The following PARD6G variants were observed in gnomAD, a reference collection of about 807,000 sequenced individuals.
PARD6G encodes partitioning defective 6 homolog gamma.
A neutral mutation model predicts 10.7 loss-of-function variants in PARD6G; 7 were observed. That is an observed-to-expected ratio of 0.66 (90% CI 0.37 to 1.23). The LOEUF is 1.23. Ranked by LOEUF, PARD6G falls within the 50% of genes most tolerant of loss-of-function variation. PARD6G has a pLI of 0.02. For missense variants in PARD6G, 548 were observed against 571.8 expected (o/e 0.96, Z 0.42); for synonymous variants, 287 against 269.4 (o/e 1.07, Z -0.64).
At chr18:80,179,024 G>T (rs1043786711) in intron 2 of PARD6G, among the ~76,000 whole-genome samples, 1 of 152,094 alleles carries the variant, frequency 6.6e-6, no homozygotes, top group Non-Finnish European at 1.5e-5. Flanking sequence ...ACCACTGACA[G>T]TTTCCCATTT....
In PARD6G at chr18:80,159,920, C is replaced by T; in HGVS notation, c.982G>A (p.Gly328Ser). 3 of 1,510,716 alleles carry T rather than the reference C, an allele frequency of 2.0e-6. No homozygotes were observed. The highest frequency in any genetic ancestry group is 2.6e-6 in the Non-Finnish European group (3 of 1,137,022). The allele number at this position is 1,510,716 out of a possible 1,614,324, so 93.6% of individuals were successfully genotyped here. A position where few individuals can be genotyped will look rare whatever the true frequency, so the allele number is the denominator to read the frequency against. Residue 328 changes from glycine (G) to serine (S), a missense_variant, in exon 3 of 3, where the codon GGC (glycine) becomes AGC (serine). By Grantham distance (56) the Gly-to-Ser change is moderately conservative. Transcript: ENST00000353265. ...TGCAGCCGCTGCGCCAGGCCCGCGC[C>T]ATTGACCCGGGAGAGGCTGCCTGCG... Reference protein sequence around the residue: ...APAGSLSRVNGAGLAQRLQRD... With the variant: ...APAGSLSRVNSAGLAQRLQRD...
intron 1 of PARD6G, among the ~76,000 whole-genome samples, chr18:80,212,152 C>A (rs1044275504): frequency 6.6e-6 from 1 of 152,162 alleles, no homozygotes; most frequent in African/African-American, 2.4e-5. Flanking sequence ...TTTCCTCCCA[C>A]GTCCCAAAGA....
chr18:80,196,325 G>T (rs934309833), intron 2 of PARD6G, among the ~76,000 whole-genome samples: 11 of 152,184 alleles, frequency 7.2e-5, no homozygotes, highest in African/African-American at 2.7e-4. Context: ...AAATGCAAAA[G>T]TCATTGCCTC....
chr18:80,231,590 T>G lies in PARD6G; in HGVS notation c.72+15687A>C, dbSNP rs1967357974. ...TACTGGCTGTGTAACTCTGGATAAT[T>G]TATTCAACTTCTCTGATCCTGTTCC... On this transcript the variant is annotated intron_variant, in intron 1 of 2. Coordinates refer to ENST00000353265, the MANE Select transcript of PARD6G (RefSeq NM_032510.4). This position sits in a 1 kb window ranked among gnomAD's most constrained non-coding sequence, Gnocchi z 4.2. Among the ~76,000 whole-genome samples, 1 of 152,148 alleles carries G rather than the reference T, an allele frequency of 6.6e-6. No homozygotes were observed. The highest frequency in any genetic ancestry group is 2.1e-4 in the South Asian group (1 of 4,824).
rs1336679281 is a variant in PARD6G at position 80,180,333 on chromosome 18, G to A, written c.296-19727C>T. Among the ~76,000 whole-genome samples, 1 of 152,208 alleles carries A rather than the reference G, an allele frequency of 6.6e-6. No homozygotes were observed. Among genetic ancestry groups the A allele is most frequent in the Non-Finnish European group, 1.5e-5 (1 of 68,018 alleles). Reference sequence around the variant, plus strand: ...CAGGGCGTGGGCAGCGACAGCTGGGGCCGGCAGGTGAGGACACGCAGCTGG... The same window carrying A: ...CAGGGCGTGGGCAGCGACAGCTGGGACCGGCAGGTGAGGACACGCAGCTGG... On this transcript the variant is annotated intron_variant, in intron 2 of 2. Coordinates refer to ENST00000353265, the MANE Select transcript of PARD6G (RefSeq NM_032510.4). The surrounding 1 kb of genome is among the most constrained non-coding windows in gnomAD (Gnocchi z 5.6).
chr18:80,174,900 G>C (rs543757322), intron 2 of PARD6G, among the ~76,000 whole-genome samples: 3 of 152,136 alleles, frequency 2.0e-5, no homozygotes, highest in East Asian at 1.9e-4. Flanking sequence ...AGTGAGCCGA[G>C]ATTGTACCAC....
chr18:80,176,016 G>T (rs1333819376), intron 2 of PARD6G: 1 of 167,326 alleles, frequency 6.0e-6, no homozygotes, highest in Non-Finnish European at 1.5e-5. Context: ...TTCCAAAAGG[G>T]AGAAGAGGCT....
Position 80,189,694 on chromosome 18 carries a change from T to C in PARD6G, c.295+13016A>G, listed in dbSNP as rs1261526155. Among the ~76,000 whole-genome samples, 4 of 152,146 alleles carry C rather than the reference T, an allele frequency of 2.6e-5. No individual in the cohort carries two copies. The highest frequency in any genetic ancestry group is 5.9e-5 in the Non-Finnish European group (4 of 68,010). Reference sequence around the variant, plus strand: ...CAAAAACAGCTTCAAGCACGTCCCCTGGGAGTCCCCCGTCCGTCGTTGAGG... The same window carrying C: ...CAAAAACAGCTTCAAGCACGTCCCCCGGGAGTCCCCCGTCCGTCGTTGAGG... On this transcript the variant is annotated intron_variant, in intron 2 of 2. Transcript: ENST00000353265. The surrounding 1 kb of genome is among the most constrained non-coding windows in gnomAD (Gnocchi z 5.5).
intron 1 of PARD6G, among the ~76,000 whole-genome samples, chr18:80,236,463 A>G (rs927777703): frequency 1.3e-5 from 2 of 152,172 alleles, no homozygotes; most frequent in Non-Finnish European, 2.9e-5. Flanking sequence ...GCCCTCCCTC[A>G]CCACTCCTAT....
chr18:80,161,120 C>T lies in PARD6G; in HGVS notation c.296-514G>A, dbSNP rs2052698267. On this transcript the variant is annotated intron_variant, in intron 2 of 2. Coordinates refer to ENST00000353265, the MANE Select transcript of PARD6G (RefSeq NM_032510.4). This position sits in a 1 kb window ranked among gnomAD's most constrained non-coding sequence, Gnocchi z 4.6. ...GTGTCTTCTAGCCAGCATTCAAGGC[C>T]CCTGAATGTGTCACTCAGTCGGGCG... 1.3e-5 allele frequency among the ~76,000 whole-genome samples: 2 copies of T among 152,178 alleles called. No homozygotes were observed. The highest frequency in any genetic ancestry group is 2.9e-5 in the Non-Finnish European group (2 of 68,024).
chr18:80,222,177 T>C (rs901573019), intron 1 of PARD6G, among the ~76,000 whole-genome samples: 4 of 151,834 alleles, frequency 2.6e-5, no homozygotes, highest in Admixed American at 2.6e-4. Flanking sequence ...CTCAACCTCC[T>C]GGGCTCAAGT....
chr18:80,233,720 C>T (rs545829273), intron 1 of PARD6G, among the ~76,000 whole-genome samples: 8 of 152,278 alleles, frequency 5.3e-5, no homozygotes, highest in Middle Eastern at 3.4e-3. Context: ...GCCTCACACC[C>T]GCACCCAGGT....
rs191119584 is a variant in PARD6G at position 80,237,464 on chromosome 18, C to G, written c.72+9813G>C. The stretch of plus-strand genomic sequence containing the variant: ...GGGCAAGGACTTCATGTCTAAAACA[C>G]AAAAAGCAATGGCAACAAAAGCCAA... On this transcript the variant is annotated intron_variant, in intron 1 of 2. Coordinates refer to ENST00000353265, the MANE Select transcript of PARD6G (RefSeq NM_032510.4). Among the ~76,000 whole-genome samples the G allele has an allele frequency of 1.2e-4, 19 of 152,274 alleles. No individual in the cohort carries two copies. The East Asian group carries it at 2.7e-3, about 22-fold the overall frequency.
rs1019084703 is a variant in PARD6G at position 80,205,717 on chromosome 18, C to T, written c.73-2785G>A. The stretch of plus-strand genomic sequence containing the variant: ...CCAGGAGCAGATGGTCACCATGCTT[C>T]CTGTGCAGCCTGTGGAACCGTGAGC... On this transcript the variant is annotated intron_variant, in intron 1 of 2. Coordinates refer to ENST00000353265, the MANE Select transcript of PARD6G (RefSeq NM_032510.4). Among the ~76,000 whole-genome samples, 7 of 152,208 alleles carry T rather than the reference C, an allele frequency of 4.6e-5. No individual in the cohort carries two copies. The South Asian group carries it at 6.2e-4, about 13-fold the overall frequency.
rs1263649689 is a variant in PARD6G at position 80,175,608 on chromosome 18, C to T, written c.296-15002G>A. The stretch of plus-strand genomic sequence containing the variant: ...CCTGGGGTGACGTATCGATTCAGTG[C>T]ACTACGCACACTGTTCCGTAATTGT... On this transcript the variant is annotated intron_variant, in intron 2 of 2. Transcript: ENST00000353265. The surrounding 1 kb of genome is among the most constrained non-coding windows in gnomAD (Gnocchi z 6.7). Among the ~76,000 whole-genome samples the T allele has an allele frequency of 6.6e-6, 1 of 152,242 alleles. No homozygotes were observed. The highest frequency in any genetic ancestry group is 1.5e-5 in the Non-Finnish European group (1 of 68,046).
chr18:80,224,873 GC>G (rs755728197), intron 1 of PARD6G, among the ~76,000 whole-genome samples: 5 of 151,880 alleles, frequency 3.3e-5, no homozygotes, highest in Admixed American at 6.6e-5. Context: ...GACAGTCCAA[GC>G]CCCTGCACTG....
chr18:80,227,276 T>C (rs983373304), intron 1 of PARD6G, among the ~76,000 whole-genome samples: 1 of 152,184 alleles, frequency 6.6e-6, no homozygotes, highest in Non-Finnish European at 1.5e-5. Context: ...AATAAAACTC[T>C]AGAATTTTAT....
Position 80,212,519 on chromosome 18 carries a change from G to C in PARD6G, c.73-9587C>G, listed in dbSNP as rs191771824. On this transcript the variant is annotated intron_variant, in intron 1 of 2. Coordinates refer to ENST00000353265, the MANE Select transcript of PARD6G (RefSeq NM_032510.4). ...CATTACAATTTTCACTTTGCAAACA[G>C]TTATTCCTTGATTTAATCCACCACC... Among the ~76,000 whole-genome samples, 13 of 152,320 alleles carry C rather than the reference G, an allele frequency of 8.5e-5. No individual in the cohort carries two copies. In the East Asian group the frequency reaches 2.5e-3, roughly 29 times the overall value.
intron 1 of PARD6G, among the ~76,000 whole-genome samples, chr18:80,233,004 G>T (rs1692164523): frequency 6.6e-6 from 1 of 152,188 alleles, no homozygotes; most frequent in South Asian, 2.1e-4. Context: ...CATCTCCTGA[G>T]GAGTGGAGTG....
Sources: gnomAD v4.1 joint callset for allele counts (sites outside exome capture counted in the v4.1 genomes callset) on GRCh38, gnomAD v4.1.1 for gene constraint, Gnocchi (gnomAD v3.1) non-coding constraint, MANE v1.5 for transcripts, NCBI Gene and HGNC (gene_info 2026-07-23, HGNC 2026-07-21) for gene names.